HS6ST2: variants seen among roughly 807,000 people sequenced by gnomAD.
HS6ST2 encodes the protein heparan sulfate 6-O-sulfotransferase 2.
A neutral mutation model predicts 33.0 loss-of-function variants in HS6ST2; 17 were observed. That is an observed-to-expected ratio of 0.52 (90% CI 0.35 to 0.77). The LOEUF (loss-of-function observed/expected upper bound fraction) is 0.77, where lower values mean the gene tolerates loss of function less well. HS6ST2 is among the 30% of genes least tolerant of loss of function. The pLI, the probability that HS6ST2 is intolerant of heterozygous loss-of-function variation, is 0.01. For missense variants in HS6ST2, 519 were observed against 551.7 expected, an observed-to-expected ratio of 0.94 and a Z score of 0.59; for synonymous variants, 248 against 237.1, an observed-to-expected ratio of 1.05 and a Z score of -0.42.
intron 2 of HS6ST2, among the ~76,000 whole-genome samples, chrX:132,747,619 T>C (rs1420869749): frequency 9.0e-6 from 1 of 110,504 alleles, no homozygotes; most frequent in African/African-American, 3.3e-5. Context: ...AGCAAGTCCC[T>C]CCCTCTCTGT....
At chrX:132,874,733 A>T (rs2066094549) in intron 2 of HS6ST2, among the ~76,000 whole-genome samples, 1 of 111,412 alleles carries the variant, frequency 9.0e-6, no homozygotes, top group Non-Finnish European at 1.9e-5. Context: ...GTTCCTTGGG[A>T]CCCCCACATG....
chrX:132,826,111 C>T (rs778616859), intron 2 of HS6ST2, among the ~76,000 whole-genome samples: 3 of 112,755 alleles, frequency 2.7e-5, no homozygotes, highest in Non-Finnish European at 3.7e-5. Flanking sequence ...TTATAAATTA[C>T]AACCAAAATG....
intron 2 of HS6ST2, among the ~76,000 whole-genome samples, chrX:132,865,237 C>A (rs1312210804): frequency 9.4e-6 from 1 of 106,916 alleles, no homozygotes; most frequent in Non-Finnish European, 1.9e-5. Flanking sequence ...GTTTGGTTTT[C>A]TGTTTTTGCG....
intron 2 of HS6ST2, among the ~76,000 whole-genome samples, chrX:132,805,719 C>T (rs1265419401): frequency 9.1e-6 from 1 of 110,170 alleles, no homozygotes; most frequent in Admixed American, 9.7e-5. Flanking sequence ...ACTCCTGCCC[C>T]CACTTTCACA....
chrX:132,950,527 T>C (rs2067001565), intron 2 of HS6ST2, among the ~76,000 whole-genome samples: 1 of 112,294 alleles, frequency 8.9e-6, no homozygotes, highest in African/African-American at 3.2e-5. Context: ...GTGATATATG[T>C]TGGGTTTTGC....
At chrX:132,715,678 G>A (rs1267226448) in intron 2 of HS6ST2, among the ~76,000 whole-genome samples, 1 of 111,806 alleles carries the variant, frequency 8.9e-6, no homozygotes, top group Non-Finnish European at 1.9e-5. Flanking sequence ...CTGCCTAGGG[G>A]CAGCAGACAA....
chrX:132,866,917 G>T (rs12388441), intron 2 of HS6ST2, among the ~76,000 whole-genome samples: 1 of 106,059 alleles, frequency 9.4e-6, no homozygotes, highest in Non-Finnish European at 1.9e-5. Context: ...CAATCATGTC[G>T]TCTGCAAACA....
intron 2 of HS6ST2, among the ~76,000 whole-genome samples, chrX:132,937,925 G>C (rs952032520): frequency 1.8e-5 from 2 of 110,380 alleles, no homozygotes; most frequent in African/African-American, 6.6e-5. Context: ...CATGTAGGAG[G>C]CCAAGGCAGG....
chrX:132,929,300 T>C (rs1483305506), intron 2 of HS6ST2, among the ~76,000 whole-genome samples: 5 of 110,753 alleles, frequency 4.5e-5, no homozygotes, highest in Non-Finnish European at 7.5e-5. Context: ...TTTCTCTCTA[T>C]TCCTCCAACT....
chrX:132,706,808 G>C (rs2064192228), intron 3 of HS6ST2, among the ~76,000 whole-genome samples: 1 of 112,211 alleles, frequency 8.9e-6, no homozygotes, highest in African/African-American at 3.2e-5. Flanking sequence ...TGCTTTACTA[G>C]TGGTTGAAAA....
chrX:132,781,319 G>C (rs1356822205), intron 2 of HS6ST2, among the ~76,000 whole-genome samples: 1 of 111,990 alleles, frequency 8.9e-6, no homozygotes, highest in Non-Finnish European at 1.9e-5. Context: ...AAAAGAAGGG[G>C]TGTCTACTTC....
chrX:132,689,471 A>G (rs2064043771), intron 3 of HS6ST2, among the ~76,000 whole-genome samples: 1 of 112,026 alleles, frequency 8.9e-6, no homozygotes, highest in Admixed American at 9.5e-5. Context: ...GCTGCTGGTT[A>G]TATGAAGCTG....
At chrX:132,805,406 C>CAGGGCT (rs1569492973) in intron 2 of HS6ST2, among the ~76,000 whole-genome samples, 11 of 110,483 alleles carry the variant, frequency 1.0e-4, no homozygotes, top group Non-Finnish European at 1.5e-4. Context: ...AAGATCTGGC[C>CAGGGCT]CAACAGCTCC....
intron 2 of HS6ST2, among the ~76,000 whole-genome samples, chrX:132,792,823 T>C (rs1424317652): frequency 9.0e-6 from 1 of 111,069 alleles, no homozygotes; most frequent in Non-Finnish European, 1.9e-5. Flanking sequence ...TTGTAGCATA[T>C]ATCAGTCCTG....
At chrX:132,863,786 T>A (rs2065937747) in intron 2 of HS6ST2, among the ~76,000 whole-genome samples, 1 of 111,916 alleles carries the variant, frequency 8.9e-6, no homozygotes, top group African/African-American at 3.2e-5. Flanking sequence ...CTCATAAGCA[T>A]CGTATCCACT....
At chrX:132,923,818 C>G (rs985969341) in intron 2 of HS6ST2, among the ~76,000 whole-genome samples, 2 of 110,397 alleles carry the variant, frequency 1.8e-5, no homozygotes, top group Non-Finnish European at 3.8e-5. Flanking sequence ...ACCACAGGCC[C>G]GCTCCATATG....
chrX:132,791,710 T>C (rs759191985), intron 2 of HS6ST2, among the ~76,000 whole-genome samples: 9 of 111,212 alleles, frequency 8.1e-5, no homozygotes, highest in Non-Finnish European at 1.7e-4. Context: ...ATTTAACCAA[T>C]GAAGTGTACA....
intron 2 of HS6ST2, among the ~76,000 whole-genome samples, chrX:132,884,006 T>G (rs1216344249): frequency 1.8e-5 from 2 of 112,135 alleles, no homozygotes; most frequent in African/African-American, 6.5e-5. Context: ...CATATATATA[T>G]AGATGAAATG....
At chrX:132,763,907 C>G (rs770657478) in intron 2 of HS6ST2, among the ~76,000 whole-genome samples, 2 of 112,699 alleles carry the variant, frequency 1.8e-5, no homozygotes, top group Non-Finnish European at 3.7e-5. Flanking sequence ...AGGTCTTAAT[C>G]AGTGTGTGCC....
Sources: gnomAD v4.1 joint callset for allele counts (sites outside exome capture counted in the v4.1 genomes callset) on GRCh38, gnomAD v4.1.1 for gene constraint, MANE v1.5 for transcripts, NCBI Gene and HGNC (gene_info 2026-07-23, HGNC 2026-07-21) for gene names.